The following EHD1 variants were observed in gnomAD, a reference collection of about 807,000 sequenced individuals.
EHD1 encodes the protein EH domain-containing protein 1.
In EHD1, 19 loss-of-function variants were observed where a neutral mutation model predicts 39.0. The observed-to-expected ratio is 0.49, with a 90% CI of 0.34 to 0.72. The LOEUF (loss-of-function observed/expected upper bound fraction) is 0.72, where lower values mean the gene tolerates loss of function less well. EHD1 is among the 30% of genes least tolerant of loss of function. EHD1 has a pLI of 0.01. For synonymous variants in EHD1, 323 were observed against 331.2 expected (o/e 0.98, Z 0.27); for missense variants, 542 against 751.5 (o/e 0.72, Z 3.26).
chr11:64,878,308 C>A lies in EHD1; in HGVS notation c.157G>T (p.Ala53Ser). Residue 53 changes from alanine to serine, a missense_variant, in exon 1 of 5, where the codon GCT becomes TCT. Ala to Ser is a moderately conservative substitution (Grantham distance 99). Coordinates refer to ENST00000320631, the MANE Select transcript of EHD1 (RefSeq NM_006795.4). ...HEFHSPALEDADFDNKPMVLL... is the reference protein window; with the variant it reads ...HEFHSPALEDSDFDNKPMVLL... Reference sequence around the variant, plus strand: ...ACCATAGGCTTGTTGTCGAAGTCAGCGTCCTCCAGCGCGGGCGAGTGGAAC... The same window carrying A: ...ACCATAGGCTTGTTGTCGAAGTCAGAGTCCTCCAGCGCGGGCGAGTGGAAC... The A allele has an allele frequency of 6.2e-7, 1 of 1,614,174 alleles. No individual in the cohort carries two copies. The highest frequency in any genetic ancestry group is 8.5e-7 in the Non-Finnish European group (1 of 1,180,030).
chr11:64,866,739 A>C (rs1037713725), intron 2 of EHD1, among the ~76,000 whole-genome samples: 1 of 152,068 alleles, frequency 6.6e-6, no homozygotes, highest in Non-Finnish European at 1.5e-5. Flanking sequence ...TACCTGGGTG[A>C]TGAAATAATC....
intron 3 of EHD1, among the ~76,000 whole-genome samples, chr11:64,857,774 A>G (rs1943669129): frequency 6.6e-6 from 1 of 152,204 alleles, no homozygotes; most frequent in Admixed American, 6.5e-5. Context: ...GGAAGTGCCC[A>G]TCCTCAGTCC....
In EHD1 at chr11:64,852,759, A is replaced by G. The variant is rs1397808012; in HGVS notation, c.*1574T>C. 2 of 152,584 alleles carry G rather than the reference A, an allele frequency of 1.3e-5. No homozygotes were observed. The highest frequency in any genetic ancestry group is 1.3e-4 in the Admixed American group (2 of 15,288). 9.5% of individuals were successfully genotyped at this position (152,584 alleles called of 1,614,324 possible). ...CGCACAGTTCAGACTTTTTAATGCA[A>G]GGAGAAAGTCTTCACTTCTCTTCCC... On this transcript the variant is annotated 3_prime_UTR_variant, in exon 5 of 5. Transcript: ENST00000320631.
At chr11:64,869,751 T>C (rs888887208) in intron 2 of EHD1, among the ~76,000 whole-genome samples, 2 of 152,234 alleles carry the variant, frequency 1.3e-5, no homozygotes, top group African/African-American at 4.8e-5. Flanking sequence ...GCACCTGGCC[T>C]GGCTCATGGC....
At chr11:64,858,328 C>T (rs755820676) in intron 3 of EHD1, among the ~76,000 whole-genome samples, 11 of 151,830 alleles carry the variant, frequency 7.2e-5, no homozygotes, top group African/African-American at 1.7e-4. Context: ...ATTACAGGCA[C>T]GCACCACCAC....
At chr11:64,878,966 G>T, upstream of EHD1, 1 of 1,004,702 alleles carries the variant, frequency 1.0e-6, no homozygotes. Context: ...CACCCCCGCG[G>T]GATGGCTCCA....
chr11:64,872,212 AT>A (rs1348481293), intron 2 of EHD1, among the ~76,000 whole-genome samples: 2 of 152,218 alleles, frequency 1.3e-5, no homozygotes, highest in Non-Finnish European at 2.9e-5. Context: ...GGCTGTGATG[AT>A]GCTTTGAGAG....
chr11:64,866,064 C>G (rs1218434208), intron 2 of EHD1, among the ~76,000 whole-genome samples: 1 of 152,162 alleles, frequency 6.6e-6, no homozygotes, highest in Non-Finnish European at 1.5e-5. Flanking sequence ...ACACATACGT[C>G]CATTGCAGCA....
At position 64,868,411 on chromosome 11, in the gene EHD1, C is replaced by A. The variant is rs922154877; in HGVS notation, c.502+6010G>T. Among the ~76,000 whole-genome samples, 1 of 151,758 alleles carries A rather than the reference C, an allele frequency of 6.6e-6. No homozygotes were observed. Among genetic ancestry groups the A allele is most frequent in the Non-Finnish European group, 1.5e-5 (1 of 67,942 alleles). ...CCACGTACTTGACTCAAAACTGCCC[C>A]GGGTGGAACAACCCAAGCGCCCCAA... On this transcript the variant is annotated intron_variant, in intron 2 of 4. Transcript: ENST00000320631. The surrounding 1 kb of genome is among the most constrained non-coding windows in gnomAD (Gnocchi z 4.2).
Position 64,878,470 on chromosome 11 carries a change from C to G in EHD1, c.-6G>C, listed in dbSNP as rs1403765042. Reference sequence around the variant, plus strand: ...TTGCTGACCCAGCTGAACATACTGCCGGACACGGGGCTGGCTGCTGCGGGG... The same window carrying G: ...TTGCTGACCCAGCTGAACATACTGCGGGACACGGGGCTGGCTGCTGCGGGG... On this transcript the variant is annotated 5_prime_UTR_variant, in exon 1 of 5. Coordinates refer to ENST00000320631, the MANE Select transcript of EHD1 (RefSeq NM_006795.4). The G allele has an allele frequency of 1.3e-6, 2 of 1,596,200 alleles. No individual in the cohort carries two copies. The highest frequency in any genetic ancestry group is 4.5e-5 in the East Asian group (2 of 44,688).
At chr11:64,869,888 G>A (rs746776295) in intron 2 of EHD1, among the ~76,000 whole-genome samples, 83 of 152,314 alleles carry the variant, frequency 5.4e-4, no homozygotes, top group East Asian at 1.7e-3. Context: ...GGCGGCCCAC[G>A]GCGCAGGCCT....
chr11:64,860,063 G>T lies in EHD1; in HGVS notation c.776C>A (p.Ser259Tyr). Residue 259 changes from serine (S) to tyrosine (Y), a missense_variant, in exon 3 of 5, where the codon TCC becomes TAC. By Grantham distance (144) the Ser-to-Tyr change is moderately radical (BLOSUM62 -2). Coordinates refer to ENST00000320631, the MANE Select transcript of EHD1 (RefSeq NM_006795.4). ...GTTGTCGGGGATGAGGAGCGGGTGG[G>T]ACCAGAAGGAGCCGATGTAGACCCT... ...VVRVYIGSFW[S>Y]HPLLIPDNRK... is the part of the protein sequence containing the mutation. 6.2e-7 allele frequency: 1 copy of T among 1,614,154 alleles called. No homozygotes were observed. Among genetic ancestry groups the T allele is most frequent in the Non-Finnish European group, 8.5e-7 (1 of 1,180,030 alleles).
At chr11:64,876,883 C>T (rs970966728) in intron 1 of EHD1, among the ~76,000 whole-genome samples, 5 of 152,210 alleles carry the variant, frequency 3.3e-5, no homozygotes, top group African/African-American at 4.8e-5. Context: ...AACAGGAGGG[C>T]GGGCTGAAAT....
upstream of EHD1, chr11:64,879,304 G>A (rs71581713): frequency 1.3e-3 from 1,118 of 872,632 alleles, 5 homozygotes; most frequent in Middle Eastern, 8.7e-3. Context: ...AATGGGAGAG[G>A]GACGCAAGCG....
chr11:64,854,656 C>T lies in EHD1; in HGVS notation c.1282G>A (p.Glu428Lys). The change falls in exon 5 of 5, where the codon GAG (glutamate) becomes AAG (lysine). Residue 428 changes from glutamate (E) to lysine (K), a missense_variant. Glu to Lys is a moderately conservative substitution (Grantham distance 56). Coordinates refer to ENST00000320631, the MANE Select transcript of EHD1 (RefSeq NM_006795.4). ...MNGPFGHGYGEGAGEGIDDVE... is the reference protein window; with the variant it reads ...MNGPFGHGYGKGAGEGIDDVE... ...TCGTCGATGCCCTCGCCGGCCCCCT[C>T]GCCGTAGCCGTGCCCGAACGGCCCG... 2 of 1,613,888 alleles carry T rather than the reference C, an allele frequency of 1.2e-6. No homozygotes were observed. The highest frequency in any genetic ancestry group is 1.1e-5 in the South Asian group (1 of 91,076).
chr11:64,861,239 G>A (rs1283968564), intron 2 of EHD1, among the ~76,000 whole-genome samples: 1 of 151,106 alleles, frequency 6.6e-6, no homozygotes, highest in Non-Finnish European at 1.5e-5. Context: ...GCACCCTGAG[G>A]GCAGGATTAT....
chr11:64,865,518 C>T (rs984970996), intron 2 of EHD1, among the ~76,000 whole-genome samples: 11 of 152,284 alleles, frequency 7.2e-5, no homozygotes, highest in South Asian at 2.1e-4. Flanking sequence ...GAACTGATGC[C>T]GAGCAAAAGG....
intron 4 of EHD1, 191 bp from the exon 5 acceptor site, chr11:64,855,048 C>A: frequency 1.2e-6 from 1 of 863,512 alleles, no homozygotes; most frequent in Non-Finnish European, 1.7e-6. Context: ...TCTTTCCTTG[C>A]AGGGCTGCGG....
In EHD1 at chr11:64,878,571, C is replaced by G. The variant is rs918732007; in HGVS notation, c.-107G>C. ...GCCGGGGCAGGGAATCGGGAGCGAC[C>G]CACACTGCGCAGGCGCACAGCCCAG... is the stretch of plus-strand genomic sequence containing the variant. On this transcript the variant is annotated 5_prime_UTR_variant, in exon 1 of 5. Transcript: ENST00000320631. 2.8e-6 allele frequency: 4 copies of G among 1,451,716 alleles called. No individual in the cohort carries two copies. The highest frequency in any genetic ancestry group is 2.7e-6 in the Non-Finnish European group (3 of 1,107,618). The allele number at this position is 1,451,716 out of a possible 1,614,324, so 89.9% of individuals were successfully genotyped here. A position where few individuals can be genotyped will look rare whatever the true frequency, so the allele number is the denominator to read the frequency against.
Sources: allele counts gnomAD v4.1 joint callset (sites outside exome capture counted in the v4.1 genomes callset), GRCh38; gene constraint gnomAD v4.1.1; non-coding constraint Gnocchi (gnomAD v3.1); transcripts MANE v1.5; gene names NCBI Gene and HGNC (gene_info 2026-07-23, HGNC 2026-07-21).